PHACTR1: variants seen among roughly 807,000 people sequenced by gnomAD.
PHACTR1 encodes the protein RPEL repeat containing 1.
PHACTR1 carries 16 observed loss-of-function variants against 69.2 expected under a neutral mutation model. That is an observed-to-expected ratio of 0.23 (90% CI 0.16 to 0.35). The LOEUF (loss-of-function observed/expected upper bound fraction) is 0.35, where lower values mean the gene tolerates loss of function less well. PHACTR1 is among the 10% of genes least tolerant of loss of function. The pLI, the probability that PHACTR1 is intolerant of heterozygous loss-of-function variation, is 1.00. For synonymous variants in PHACTR1, 312 were observed against 284.5 expected, an observed-to-expected ratio of 1.10 and a Z score of -0.97; for missense variants, 510 against 734.7, an observed-to-expected ratio of 0.69 and a Z score of 3.54.
intron 4 of PHACTR1, among the ~76,000 whole-genome samples, chr6:13,018,568 A>C (rs531520029): frequency 9.9e-5 from 15 of 152,276 alleles, no homozygotes; most frequent in African/African-American, 3.1e-4. Context: ...TCCCCCTGCT[A>C]TACTGTGCTG....
At chr6:12,796,658 T>C (rs1318452363) in intron 4 of PHACTR1, among the ~76,000 whole-genome samples, 2 of 152,150 alleles carry the variant, frequency 1.3e-5, no homozygotes, top group Non-Finnish European at 2.9e-5. Context: ...GTGGGAGATA[T>C]GGTTTGCAGT....
chr6:13,229,228 G>A (rs1770365057), intron 9 of PHACTR1, among the ~76,000 whole-genome samples: 2 of 152,220 alleles, frequency 1.3e-5, no homozygotes, highest in Non-Finnish European at 2.9e-5. Flanking sequence ...CCTGTACACT[G>A]TGGGATGTTT....
intron 6 of PHACTR1, among the ~76,000 whole-genome samples, chr6:13,177,848 G>A (rs1426884494): frequency 6.6e-6 from 1 of 152,178 alleles, no homozygotes; most frequent in Non-Finnish European, 1.5e-5. Flanking sequence ...ATCATAATGA[G>A]CTAACAGCAA....
chr6:13,239,331 C>T (rs766564458), intron 10 of PHACTR1, among the ~76,000 whole-genome samples: 3 of 152,166 alleles, frequency 2.0e-5, no homozygotes, highest in Admixed American at 1.3e-4. Flanking sequence ...GCGTGGACTT[C>T]GTGTAGCTAA....
chr6:12,726,279 G>GTT (rs1762786191), intron 3 of PHACTR1, among the ~76,000 whole-genome samples: 1 of 152,270 alleles, frequency 6.6e-6, no homozygotes. Context: ...GGATGATGGA[G>GTT]TTTTCATTCT....
chr6:12,771,351 T>C (rs1769354347), intron 4 of PHACTR1, among the ~76,000 whole-genome samples: 1 of 152,098 alleles, frequency 6.6e-6, no homozygotes, highest in South Asian at 2.1e-4. Context: ...ACTTACCAGT[T>C]CAGAAATCAG....
At chr6:12,791,439 C>T (rs1047369972) in intron 4 of PHACTR1, among the ~76,000 whole-genome samples, 1 of 152,116 alleles carries the variant, frequency 6.6e-6, no homozygotes, top group African/African-American at 2.4e-5. Context: ...CACAATGAAA[C>T]GACCGGAACA....
intron 6 of PHACTR1, among the ~76,000 whole-genome samples, chr6:13,161,315 C>A (rs1758973782): frequency 6.6e-6 from 1 of 152,142 alleles, no homozygotes. Context: ...CGTGCACCTT[C>A]TCTTCTTGCT....
At chr6:13,009,234 G>A (rs1342918441) in intron 4 of PHACTR1, among the ~76,000 whole-genome samples, 2 of 152,084 alleles carry the variant, frequency 1.3e-5, no homozygotes, top group Non-Finnish European at 2.9e-5. Context: ...AGACACTTTT[G>A]CCAAATAAGG....
chr6:13,152,727 A>G (rs1824496033), intron 5 of PHACTR1, among the ~76,000 whole-genome samples: 1 of 152,226 alleles, frequency 6.6e-6, no homozygotes, highest in African/African-American at 2.4e-5. Flanking sequence ...TTCTTCAGGT[A>G]TGGTGAGGCC....
chr6:13,279,290 T>C (rs1233247847), intron 12 of PHACTR1: 3 of 152,184 alleles, frequency 2.0e-5, no homozygotes, highest in Non-Finnish European at 4.4e-5. Flanking sequence ...GTTAAGGCTA[T>C]TCTTGGATGA....
chr6:13,128,360 A>T (rs1819880052), intron 5 of PHACTR1, among the ~76,000 whole-genome samples: 1 of 150,904 alleles, frequency 6.6e-6, no homozygotes, highest in Non-Finnish European at 1.5e-5. Flanking sequence ...ACTCAAGGAG[A>T]TAACAGAGAA....
intron 4 of PHACTR1, among the ~76,000 whole-genome samples, chr6:12,877,988 A>G (rs1782707952): frequency 1.3e-5 from 2 of 152,192 alleles, no homozygotes. Flanking sequence ...CTCACTTAAA[A>G]GCTCAGAAAG....
chr6:13,134,796 A>T (rs1415890377), intron 5 of PHACTR1, among the ~76,000 whole-genome samples: 6 of 1,380 alleles, frequency 4.3e-3, no homozygotes, highest in East Asian at 7.0e-3. Flanking sequence ...AATAAATACT[A>T]AAAAAAAAAA....
intron 10 of PHACTR1, among the ~76,000 whole-genome samples, chr6:13,258,559 TG>T (rs1775502957): frequency 6.6e-6 from 1 of 152,146 alleles, no homozygotes; most frequent in Admixed American, 6.5e-5. Context: ...GCAATGGGCT[TG>T]AAGTTATAAG....
chr6:12,818,959 A>G (rs1351777354), intron 4 of PHACTR1, among the ~76,000 whole-genome samples: 1 of 152,202 alleles, frequency 6.6e-6, no homozygotes, highest in Non-Finnish European at 1.5e-5. Context: ...TCTTTGCAGG[A>G]GATATGAGCT....
intron 4 of PHACTR1, among the ~76,000 whole-genome samples, chr6:12,773,345 G>A (rs1244634340): frequency 2.6e-5 from 4 of 152,078 alleles, no homozygotes; most frequent in South Asian, 2.1e-4. Context: ...CACACCCTGC[G>A]TCAACTCAAT....
chr6:12,940,575 A>G (rs1364809305), intron 4 of PHACTR1, among the ~76,000 whole-genome samples: 1 of 152,214 alleles, frequency 6.6e-6, no homozygotes, highest in Non-Finnish European at 1.5e-5. Context: ...GGAAGTCCTC[A>G]TGGAACTTTT....
intron 4 of PHACTR1, among the ~76,000 whole-genome samples, chr6:12,821,395 G>T (rs1023710203): frequency 2.0e-5 from 3 of 151,136 alleles, no homozygotes; most frequent in Non-Finnish European, 2.9e-5. Flanking sequence ...CCTGGGAGGC[G>T]GAGGTCGCAG....
Sources: allele counts gnomAD v4.1 joint callset (sites outside exome capture counted in the v4.1 genomes callset), GRCh38; gene constraint gnomAD v4.1.1; transcripts MANE v1.5; gene names NCBI Gene and HGNC (gene_info 2026-07-23, HGNC 2026-07-21).